The following EXOC6B variants were observed in gnomAD, a reference collection of about 807,000 sequenced individuals.
EXOC6B encodes exocyst complex component 6B.
Under a neutral mutation model 113.5 loss-of-function variants are expected in EXOC6B, and 54 were observed. That is an observed-to-expected ratio of 0.48 (90% CI 0.38 to 0.60). The LOEUF (loss-of-function observed/expected upper bound fraction) is 0.60. EXOC6B is among the 20% of genes least tolerant of loss of function. EXOC6B has a pLI of 0.00. For synonymous variants in EXOC6B, 357 were observed against 339.0 expected, an observed-to-expected ratio of 1.05 and a Z score of -0.58; for missense variants, 797 against 977.5, an observed-to-expected ratio of 0.82 and a Z score of 2.46.
intron 6 of EXOC6B, among the ~76,000 whole-genome samples, chr2:72,669,606 C>A (rs1573590470): frequency 6.6e-6 from 1 of 152,142 alleles, no homozygotes; most frequent in Non-Finnish European, 1.5e-5. Flanking sequence ...AAACATGATG[C>A]CATAATCCAC....
intron 21 of EXOC6B, chr2:72,183,042 T>C (rs538843409): frequency 2.4e-4 from 106 of 439,736 alleles, no homozygotes; most frequent in Non-Finnish European, 3.5e-4. Flanking sequence ...ACCTGCATCA[T>C]GCTCTTGCCT....
intron 20 of EXOC6B, among the ~76,000 whole-genome samples, chr2:72,259,004 A>G (rs1338554331): frequency 6.6e-6 from 1 of 152,226 alleles, no homozygotes; most frequent in Non-Finnish European, 1.5e-5. Context: ...CAATTTTATC[A>G]TGATACAGAG....
intron 8 of EXOC6B, among the ~76,000 whole-genome samples, chr2:72,538,440 T>C (rs888879553): frequency 1.3e-5 from 2 of 152,232 alleles, no homozygotes; most frequent in African/African-American, 2.4e-5. Flanking sequence ...AATTTAATAA[T>C]ATATTTTATC....
chr2:72,391,286 A>G (rs1310584131), intron 18 of EXOC6B, among the ~76,000 whole-genome samples: 1 of 149,482 alleles, frequency 6.7e-6, no homozygotes, highest in Non-Finnish European at 1.5e-5. Context: ...GGCTACCTCA[A>G]CATTTTTTGA....
intron 18 of EXOC6B, chr2:72,462,631 A>G (rs1697767736): frequency 6.6e-6 from 1 of 151,990 alleles, no homozygotes; most frequent in African/African-American, 2.4e-5. Context: ...GAGTAACAGG[A>G]CTTTATCAGA....
chr2:72,401,614 TATATATACATATATATATATATAC>T (rs1693288458), intron 18 of EXOC6B, among the ~76,000 whole-genome samples: 3 of 44,042 alleles, frequency 6.8e-5, no homozygotes, highest in South Asian at 4.5e-4. Context: ...TGTATATATA[TATATATACATATATATATATATAC>T]ATATATACAT....
intron 18 of EXOC6B, among the ~76,000 whole-genome samples, chr2:72,403,351 C>G (rs1171290652): frequency 6.6e-6 from 1 of 152,066 alleles, no homozygotes; most frequent in Non-Finnish European, 1.5e-5. Flanking sequence ...TGAAGTGGCT[C>G]TAAATAAGTC....
intron 20 of EXOC6B, among the ~76,000 whole-genome samples, chr2:72,200,188 C>T (rs934300340): frequency 6.6e-6 from 1 of 152,150 alleles, no homozygotes; most frequent in Admixed American, 6.5e-5. Flanking sequence ...TGAGCCACTG[C>T]ACCCGGCTTG....
intron 6 of EXOC6B, among the ~76,000 whole-genome samples, chr2:72,653,694 G>C (rs1273083306): frequency 2.0e-5 from 3 of 149,412 alleles, no homozygotes; most frequent in Non-Finnish European, 4.4e-5. Flanking sequence ...CTCTAAAAGA[G>C]GTACAATATT....
At chr2:72,268,595 C>T (rs982992742) in intron 20 of EXOC6B, among the ~76,000 whole-genome samples, 4 of 152,122 alleles carry the variant, frequency 2.6e-5, no homozygotes, top group South Asian at 2.1e-4. Context: ...TGTATCCCCT[C>T]GGAATCTCAT....
At chr2:72,775,626 T>TA (rs1479424486) in intron 1 of EXOC6B, among the ~76,000 whole-genome samples, 1 of 152,086 alleles carries the variant, frequency 6.6e-6, no homozygotes, top group Non-Finnish European at 1.5e-5. Flanking sequence ...CCCAGAGAAT[T>TA]ATGCTGAGAT....
intron 20 of EXOC6B, among the ~76,000 whole-genome samples, chr2:72,311,213 G>A (rs1244021318): frequency 2.0e-5 from 3 of 152,136 alleles, no homozygotes; most frequent in Non-Finnish European, 4.4e-5. Context: ...AGTATAATAC[G>A]GATGTTACTG....
intron 6 of EXOC6B, among the ~76,000 whole-genome samples, chr2:72,682,382 A>G (rs1168839278): frequency 1.3e-5 from 2 of 152,314 alleles, no homozygotes; most frequent in Middle Eastern, 3.4e-3. Flanking sequence ...AGACAGTAGT[A>G]ACATAAAAAG....
intron 7 of EXOC6B, among the ~76,000 whole-genome samples, chr2:72,574,735 A>G (rs984894232): frequency 1.3e-5 from 2 of 152,228 alleles, no homozygotes; most frequent in African/African-American, 4.8e-5. Context: ...GTCAGACTCT[A>G]AAGCTCATGC....
At chr2:72,633,903 T>C (rs1239983809) in intron 6 of EXOC6B, among the ~76,000 whole-genome samples, 1 of 152,150 alleles carries the variant, frequency 6.6e-6, no homozygotes, top group Admixed American at 6.5e-5. Flanking sequence ...TTAACAGTGT[T>C]ATGAAGTAGA....
chr2:72,717,913 C>T (rs1274023679), intron 6 of EXOC6B, among the ~76,000 whole-genome samples, 190 bp downstream of exon 6: 5 of 152,154 alleles, frequency 3.3e-5, no homozygotes, highest in East Asian at 3.9e-4. Context: ...ATCTACAGAG[C>T]AAATTGTCCA....
At chr2:72,222,346 A>C (rs1352217507) in intron 20 of EXOC6B, among the ~76,000 whole-genome samples, 2 of 152,352 alleles carry the variant, frequency 1.3e-5, no homozygotes, top group East Asian at 3.9e-4. Flanking sequence ...GGTGGGCCTT[A>C]AAGTATGGGG....
At chr2:72,208,190 G>A (rs1169355817) in intron 20 of EXOC6B, among the ~76,000 whole-genome samples, 1 of 152,024 alleles carries the variant, frequency 6.6e-6, no homozygotes, top group Non-Finnish European at 1.5e-5. Flanking sequence ...CACCCAGGTA[G>A]TGAGCACAGT....
intron 20 of EXOC6B, among the ~76,000 whole-genome samples, chr2:72,208,894 G>A (rs1408223166): frequency 6.6e-6 from 1 of 152,168 alleles, no homozygotes; most frequent in Non-Finnish European, 1.5e-5. Context: ...TAGGCAAGGA[G>A]TTACAGATAC....
Sources: gnomAD v4.1 joint callset for allele counts (sites outside exome capture counted in the v4.1 genomes callset) on GRCh38, gnomAD v4.1.1 for gene constraint, MANE v1.5 for transcripts, NCBI Gene and HGNC (gene_info 2026-07-23, HGNC 2026-07-21) for gene names.